Variants in SGCD observed in about 807,000 individuals in gnomAD.
SGCD encodes the protein delta-sarcoglycan.
Under a neutral mutation model 36.6 loss-of-function variants are expected in SGCD, and 18 were observed. That is an observed-to-expected ratio of 0.49 (90% CI 0.34 to 0.73). SGCD has a LOEUF of 0.73. Ranked by LOEUF, SGCD falls within the 30% of genes least tolerant of loss-of-function variation. The pLI is 0.01. For synonymous variants in SGCD, 133 were observed against 130.6 expected (o/e 1.02, Z -0.12); for missense variants, 387 against 346.7 (o/e 1.12, Z -0.92).
intron 1 of SGCD, among the ~76,000 whole-genome samples, chr5:155,981,937 G>C (rs1758237113): frequency 6.6e-6 from 1 of 152,130 alleles, no homozygotes; most frequent in African/African-American, 2.4e-5. Context: ...TTCCTCCTTA[G>C]TACCTACAAC....
chr5:156,408,441 C>T (rs1333778471), intron 3 of SGCD, among the ~76,000 whole-genome samples: 2 of 150,576 alleles, frequency 1.3e-5, no homozygotes, highest in East Asian at 1.9e-4. Flanking sequence ...TCACTACAAC[C>T]TCTGCCTCCT....
chr5:155,801,909 G>A, the SGCD span, among the ~76,000 whole-genome samples: 1 of 152,140 alleles, frequency 6.6e-6, no homozygotes, highest in Non-Finnish European at 1.5e-5. Flanking sequence ...ATTCCTTGTT[G>A]GAGTTTAGAT....
chr5:156,567,391 TAGATAG>T (rs1759537235), intron 4 of SGCD, among the ~76,000 whole-genome samples: 1 of 135,424 alleles, frequency 7.4e-6, no homozygotes, highest in Non-Finnish European at 1.7e-5. Flanking sequence ...GATAGATAGA[TAGATAG>T]ATAGATAGAT....
intron 3 of SGCD, among the ~76,000 whole-genome samples, chr5:156,265,356 C>T (rs576393806): frequency 6.6e-6 from 1 of 152,168 alleles, no homozygotes; most frequent in South Asian, 2.1e-4. Flanking sequence ...AATATTGTTT[C>T]CTAATTACTC....
chr5:156,475,396 T>C (rs1755136749), intron 3 of SGCD, among the ~76,000 whole-genome samples: 1 of 152,174 alleles, frequency 6.6e-6, no homozygotes, highest in South Asian at 2.1e-4. Flanking sequence ...GCTGCTGGTG[T>C]TGGGGAGGTC....
chr5:156,735,218 CAGAGACCCTGGT>C (rs1217236517), intron 7 of SGCD, among the ~76,000 whole-genome samples: 1 of 152,164 alleles, frequency 6.6e-6, no homozygotes, highest in Non-Finnish European at 1.5e-5. Flanking sequence ...CTCTGTCAGC[CAGAGACCCTGGT>C]TGGGAGGCTC....
chr5:156,642,710 G>T (rs937251911), intron 6 of SGCD, among the ~76,000 whole-genome samples: 1 of 151,692 alleles, frequency 6.6e-6, no homozygotes, highest in Non-Finnish European at 1.5e-5. Flanking sequence ...GTCATGATCC[G>T]CCTGCCTCAG....
intron 1 of SGCD, among the ~76,000 whole-genome samples, chr5:155,955,219 AC>A (rs1253173146): frequency 1.3e-5 from 2 of 152,124 alleles, no homozygotes; most frequent in East Asian, 3.9e-4. Flanking sequence ...ATGTCTAGGC[AC>A]CATGTGGCCC....
intron 1 of SGCD, among the ~76,000 whole-genome samples, chr5:156,034,087 C>T (rs1177025607): frequency 1.3e-5 from 2 of 152,184 alleles, no homozygotes; most frequent in African/African-American, 4.8e-5. Context: ...TAGTCCCTCT[C>T]TCCTACCCCA....
the SGCD span, among the ~76,000 whole-genome samples, chr5:155,755,547 G>A: frequency 6.6e-6 from 1 of 152,158 alleles, no homozygotes; most frequent in Non-Finnish European, 1.5e-5. Context: ...TCTCTCTAGT[G>A]CATAGTGATG....
At chr5:156,617,901 A>G (rs1028891968) in intron 6 of SGCD, among the ~76,000 whole-genome samples, 1 of 152,226 alleles carries the variant, frequency 6.6e-6, no homozygotes, top group African/African-American at 2.4e-5. Flanking sequence ...GAAGCAACTC[A>G]AAAGGCTTTA....
chr5:156,365,301 G>C (rs1249382129), intron 3 of SGCD, among the ~76,000 whole-genome samples: 1 of 152,154 alleles, frequency 6.6e-6, no homozygotes, highest in East Asian at 1.9e-4. Flanking sequence ...CCAAAAACTA[G>C]GAATTCCAAT....
chr5:155,768,253 GTTTTGTTTTGT>G, the SGCD span, among the ~76,000 whole-genome samples: 13,883 of 150,590 alleles, frequency 0.092, 788 homozygotes, highest in South Asian at 0.21. Context: ...GGTAGTTTTT[GTTTTGTTTTGT>G]TTTTGTTTTG....
At chr5:156,303,528 C>T (rs1767115616) in intron 3 of SGCD, among the ~76,000 whole-genome samples, 2 of 151,814 alleles carry the variant, frequency 1.3e-5, no homozygotes, top group African/African-American at 4.8e-5. Flanking sequence ...TCTTTTCTTT[C>T]CTCAAGCAGA....
chr5:155,744,123 A>G, the SGCD span, among the ~76,000 whole-genome samples: 37 of 152,352 alleles, frequency 2.4e-4, no homozygotes, highest in African/African-American at 8.7e-4. Flanking sequence ...TAAGATTTTC[A>G]GGTATTAGAG....
chr5:156,579,388 G>T (rs1035510059), intron 4 of SGCD, among the ~76,000 whole-genome samples: 4 of 152,178 alleles, frequency 2.6e-5, no homozygotes, highest in African/African-American at 9.7e-5. Flanking sequence ...TGTATATTCT[G>T]TTGATTTGGG....
the SGCD span, among the ~76,000 whole-genome samples, chr5:155,827,600 T>C: frequency 6.6e-6 from 1 of 152,192 alleles, no homozygotes; most frequent in African/African-American, 2.4e-5. Flanking sequence ...AAGCTTTCTG[T>C]TAAGTAAAGG....
Position 156,647,518 on chromosome 5 carries a change from A to G in SGCD, c.557A>G (p.Asp186Gly). ...ATAGAAACACCTAATGTCAGGGCAG[A>G]CCCCTTCAAAGAACTAAGGTAAACT... ...KSIETPNVRA[D>G]PFKELRLESP... The change falls in exon 7 of 9, where the codon GAC becomes GGC. Residue 186 changes from aspartate to glycine, a missense_variant. By Grantham distance (94) the Asp-to-Gly change is moderately conservative. Transcript: ENST00000337851. The G allele has an allele frequency of 1.3e-6, 2 of 1,580,776 alleles. 1 individual carries two copies. The highest frequency in any genetic ancestry group is 2.3e-5 in the South Asian group (2 of 86,540).
At chr5:156,003,659 T>C (rs893227672) in intron 1 of SGCD, among the ~76,000 whole-genome samples, 2 of 152,216 alleles carry the variant, frequency 1.3e-5, no homozygotes, top group Non-Finnish European at 2.9e-5. Context: ...GGAGGATTGA[T>C]ATAAAGGTGG....
Sources: allele counts gnomAD v4.1 joint callset (sites outside exome capture counted in the v4.1 genomes callset), GRCh38; gene constraint gnomAD v4.1.1; transcripts MANE v1.5; gene names NCBI Gene and HGNC (gene_info 2026-07-23, HGNC 2026-07-21).